The following TOX2 variants were observed in gnomAD, a reference collection of about 807,000 sequenced individuals.
The protein encoded by TOX2 is granulosa cell HMG box 1.
A neutral mutation model predicts 47.4 loss-of-function variants in TOX2; 15 were observed. The observed-to-expected ratio is 0.32, with a 90% confidence interval of 0.21 to 0.49. The LOEUF is 0.49. TOX2 is among the 20% of genes least tolerant of loss of function. The probability of loss-of-function intolerance (pLI) is 0.99; values close to 1 mark genes in which losing one functional copy is unlikely to be tolerated. For missense variants in TOX2, 622 were observed against 673.1 expected (o/e 0.92, Z 0.84); for synonymous variants, 290 against 296.6 (o/e 0.98, Z 0.23).
intron 3 of TOX2, among the ~76,000 whole-genome samples, chr20:44,016,980 G>T (rs992494655): frequency 6.6e-6 from 1 of 152,230 alleles, no homozygotes; most frequent in Non-Finnish European, 1.5e-5. Flanking sequence ...ATTAAGGTGG[G>T]ATCAGTCTGA....
At chr20:44,066,613 G>C in intron 7 of TOX2, 117 bp from the exon 8 acceptor site, 1 of 1,492,668 alleles carries the variant, frequency 6.7e-7, no homozygotes. Flanking sequence ...AGCCCTGGAG[G>C]CAGCATCTCT....
At chr20:43,951,707 G>GTTGTTTTTT (rs2069571130) in intron 1 of TOX2, among the ~76,000 whole-genome samples, 2 of 55,098 alleles carry the variant, frequency 3.6e-5, no homozygotes, top group Non-Finnish European at 3.9e-5. Context: ...AACTTATTAT[G>GTTGTTTTTT]TTTTTTTTTT....
intron 1 of TOX2, among the ~76,000 whole-genome samples, chr20:43,948,213 C>G (rs1236917586): frequency 6.6e-6 from 1 of 152,210 alleles, no homozygotes; most frequent in Non-Finnish European, 1.5e-5. Context: ...ACACGGCAGG[C>G]ACCTGCTGAA....
chr20:43,991,611 AATCATT>A (rs908778509), intron 2 of TOX2, among the ~76,000 whole-genome samples: 8 of 122,166 alleles, frequency 6.5e-5, no homozygotes, highest in African/African-American at 1.2e-4. Context: ...GACAGGCAAT[AATCATT>A]ATTATTATTA....
chr20:43,941,622 T>C (rs1308393165), intron 1 of TOX2, among the ~76,000 whole-genome samples: 1 of 152,206 alleles, frequency 6.6e-6, no homozygotes, highest in Admixed American at 6.5e-5. Context: ...CGCGAGCCAC[T>C]GTACCTGGCC....
chr20:44,005,313 T>C (rs968902156), intron 2 of TOX2, among the ~76,000 whole-genome samples: 3 of 152,206 alleles, frequency 2.0e-5, no homozygotes, highest in Admixed American at 2.0e-4. Flanking sequence ...TCATATTTCC[T>C]TTTTGACCGT....
At chr20:44,025,394 G>T (rs2071044448) in intron 3 of TOX2, among the ~76,000 whole-genome samples, 1 of 149,998 alleles carries the variant, frequency 6.7e-6, no homozygotes, top group Non-Finnish European at 1.5e-5. Flanking sequence ...TCCTGGGGCT[G>T]CAGTACCTGT....
chr20:43,955,652 T>A (rs1188208799), intron 1 of TOX2, among the ~76,000 whole-genome samples: 1 of 152,198 alleles, frequency 6.6e-6, no homozygotes, highest in Non-Finnish European at 1.5e-5. Context: ...TTTTCACTCA[T>A]CTCTGAGACT....
chr20:44,050,079 A>G (rs1298594430), intron 3 of TOX2, among the ~76,000 whole-genome samples: 1 of 152,246 alleles, frequency 6.6e-6, no homozygotes, highest in Non-Finnish European at 1.5e-5. Context: ...AAGAAAGTAG[A>G]TTTTAAATGT....
chr20:44,064,932 C>T (rs76310705), intron 6 of TOX2, 75 bp downstream of exon 6: 58,659 of 1,429,492 alleles, frequency 0.041, 1,458 homozygotes, highest in African/African-American at 0.099. Context: ...AACTGGGGCC[C>T]GTGGGAAGGG....
chr20:43,989,231 C>T lies in TOX2; in HGVS notation c.165+15799C>T, dbSNP rs146347168. 1.1e-3 allele frequency among the ~76,000 whole-genome samples: 168 copies of T among 152,288 alleles called. 1 individual carries two copies. Among genetic ancestry groups the T allele is most frequent in the Middle Eastern group, 0.01 (3 of 294 alleles). ...GAAGTGCTGGCCTAGTGTACTTTGC[C>T]TTCCCCAAGCACTGCAAGCAATTAG... On this transcript the variant is annotated intron_variant, in intron 2 of 8. Coordinates refer to ENST00000341197, the MANE Select transcript of TOX2 (RefSeq NM_001098797.2).
intron 3 of TOX2, among the ~76,000 whole-genome samples, chr20:44,018,079 G>A (rs1032738277): frequency 1.3e-5 from 2 of 152,218 alleles, no homozygotes; most frequent in Non-Finnish European, 2.9e-5. Flanking sequence ...TCCCGGCACC[G>A]AAGGCTTCCT....
At position 43,960,778 on chromosome 20, in the gene TOX2, T is replaced by TGC. The variant is rs1334916067; in HGVS notation, c.100-12588_100-12587dup. On this transcript the variant is annotated intron_variant, in intron 1 of 8. Coordinates refer to ENST00000341197, the MANE Select transcript of TOX2 (RefSeq NM_001098797.2). ...CCACTCCTGTCTCCTACCCTGTGTG[T>TGC]GCACCTTTCGGGCACTGTCAGCATG... Among the ~76,000 whole-genome samples, 3 of 152,232 alleles carry TGC rather than the reference T, an allele frequency of 2.0e-5. No individual in the cohort carries two copies. The East Asian group carries it at 5.8e-4, about 29-fold the overall frequency.
intron 2 of TOX2, among the ~76,000 whole-genome samples, chr20:44,004,943 C>T (rs2145595798): frequency 6.6e-6 from 1 of 152,246 alleles, no homozygotes; most frequent in Non-Finnish European, 1.5e-5. Context: ...TCTGAAAGAG[C>T]TAGAAGGAAG....
chr20:43,989,382 G>A (rs956182806), intron 2 of TOX2, among the ~76,000 whole-genome samples: 20 of 152,334 alleles, frequency 1.3e-4, no homozygotes, highest in Non-Finnish European at 1.5e-4. Flanking sequence ...TGGAAGCTCA[G>A]CATCACACAT....
At chr20:43,990,879 T>G (rs1007390800) in intron 2 of TOX2, among the ~76,000 whole-genome samples, 3 of 151,882 alleles carry the variant, frequency 2.0e-5, no homozygotes, top group Admixed American at 2.0e-4. Flanking sequence ...GCTACTTCTG[T>G]CATTTTCAGA....
chr20:44,018,755 A>G (rs1430319582), intron 3 of TOX2, among the ~76,000 whole-genome samples: 1 of 152,170 alleles, frequency 6.6e-6, no homozygotes, highest in Non-Finnish European at 1.5e-5. Context: ...TCGGGGGACT[A>G]TGGAAGACTG....
intron 4 of TOX2, among the ~76,000 whole-genome samples, chr20:44,053,112 C>A (rs1260406243): frequency 6.6e-6 from 1 of 152,168 alleles, no homozygotes; most frequent in African/African-American, 2.4e-5. Flanking sequence ...GGCTTTTGAC[C>A]AAAGTCCCCT....
chr20:44,060,340 C>G (rs1206931927), intron 5 of TOX2, among the ~76,000 whole-genome samples: 1 of 152,092 alleles, frequency 6.6e-6, no homozygotes, highest in Non-Finnish European at 1.5e-5. Context: ...CAGCACTAGA[C>G]AGGTCATCAA....
Sources: allele counts gnomAD v4.1 joint callset (sites outside exome capture counted in the v4.1 genomes callset), GRCh38; gene constraint gnomAD v4.1.1; transcripts MANE v1.5; gene names NCBI Gene and HGNC (gene_info 2026-07-23, HGNC 2026-07-21).